SERPINE2: variants seen among roughly 807,000 people sequenced by gnomAD.
SERPINE2 encodes the protein glia-derived nexin.
Under a neutral mutation model 36.3 loss-of-function variants are expected in SERPINE2, and 14 were observed. The ratio of observed to expected loss-of-function variants is 0.39; its 90% confidence interval spans 0.25 to 0.60. SERPINE2 has a LOEUF of 0.60. Ranked by LOEUF, SERPINE2 falls within the 20% of genes least tolerant of loss-of-function variation. SERPINE2 has a pLI of 0.57. For synonymous variants in SERPINE2, 192 were observed against 191.8 expected, an observed-to-expected ratio of 1.00 and a Z score of -0.01; for missense variants, 418 against 499.6, an observed-to-expected ratio of 0.84 and a Z score of 1.56.
chr2:224,027,346 C>T (rs1007758649), intron 1 of SERPINE2, among the ~76,000 whole-genome samples: 1 of 152,136 alleles, frequency 6.6e-6, no homozygotes, highest in African/African-American at 2.4e-5. Context: ...GCCCATGGCT[C>T]GCATGGGCAT....
At chr2:224,019,655 G>A (rs4574111) in intron 1 of SERPINE2, among the ~76,000 whole-genome samples, 143,746 of 152,144 alleles carry the variant, frequency 0.94, 68,258 homozygotes, top group Non-Finnish European at 0.99. Context: ...AAAAAGCAAA[G>A]CTTTCAATGA....
At chr2:224,013,023 G>A (rs1366793331) in intron 1 of SERPINE2, among the ~76,000 whole-genome samples, 3 of 152,108 alleles carry the variant, frequency 2.0e-5, no homozygotes, top group Admixed American at 6.5e-5. Context: ...AGTAAATGGT[G>A]GTGTTATTTT....
chr2:224,006,832 T>C (rs1691442845), intron 1 of SERPINE2, among the ~76,000 whole-genome samples: 1 of 152,230 alleles, frequency 6.6e-6, no homozygotes, highest in Non-Finnish European at 1.5e-5. Context: ...CTAGTACTAC[T>C]GGACCCTCAC....
chr2:224,021,795 G>A (rs553995906), intron 1 of SERPINE2, among the ~76,000 whole-genome samples: 1 of 152,322 alleles, frequency 6.6e-6, no homozygotes, highest in South Asian at 2.1e-4. Context: ...AGGCCAAGGT[G>A]GGTGGATCAC....
chr2:224,019,750 CTT>C lies in SERPINE2; in HGVS notation c.-22-17830_-22-17829del, dbSNP rs754495536. Among the ~76,000 whole-genome samples, 518 of 58,218 alleles carry C rather than the reference CTT, an allele frequency of 8.9e-3. 3 individuals carry two copies. The highest frequency in any genetic ancestry group is 0.027 in the African/African-American group (490 of 18,210). The allele number at this position is 58,218 out of a possible 152,430, so 38.2% of individuals were successfully genotyped here. ...TATGGTCTAAAGCATTTGAGGAAGT[CTT>C]TTTTTTTTTTTTTAAAAAAAAAAAA... On this transcript the variant is annotated intron_variant, in intron 1 of 8. Coordinates refer to ENST00000409304, the MANE Select transcript of SERPINE2 (RefSeq NM_001136528.2).
chr2:224,013,792 G>A (rs1157822415), intron 1 of SERPINE2: 2 of 152,272 alleles, frequency 1.3e-5, no homozygotes, highest in Non-Finnish European at 2.9e-5. Flanking sequence ...CGTGTCAGGA[G>A]GCTGGGGCTC....
chr2:223,982,999 G>A (rs1358312074), intron 5 of SERPINE2, among the ~76,000 whole-genome samples: 10 of 152,148 alleles, frequency 6.6e-5, no homozygotes, highest in African/African-American at 1.9e-4. Flanking sequence ...ATGTACTAAC[G>A]GCAAGAATAG....
chr2:224,011,099 C>T (rs1465274053), intron 1 of SERPINE2, among the ~76,000 whole-genome samples: 3 of 152,128 alleles, frequency 2.0e-5, no homozygotes, highest in Non-Finnish European at 4.4e-5. Context: ...ATATGTTTTT[C>T]GGTCTGCTGA....
At chr2:223,988,035 A>G (rs1224010909) in intron 4 of SERPINE2, among the ~76,000 whole-genome samples, 2 of 152,204 alleles carry the variant, frequency 1.3e-5, no homozygotes, top group African/African-American at 4.8e-5. Flanking sequence ...GCAATACTCT[A>G]CATTCTAGGC....
At chr2:223,994,797 GCTTT>G (rs918893667) in intron 3 of SERPINE2, among the ~76,000 whole-genome samples, 1 of 152,142 alleles carries the variant, frequency 6.6e-6, no homozygotes, top group Non-Finnish European at 1.5e-5. Context: ...TTTGCTAAAT[GCTTT>G]CTATGTATTA....
intron 4 of SERPINE2, among the ~76,000 whole-genome samples, chr2:223,989,964 G>T (rs1252211207): frequency 2.0e-5 from 3 of 152,182 alleles, no homozygotes; most frequent in Non-Finnish European, 2.9e-5. Context: ...GGGCACCATG[G>T]CTAGCCTTGG....
chr2:224,031,758 C>CT, intron 1 of SERPINE2, among the ~76,000 whole-genome samples: 6 of 136,038 alleles, frequency 4.4e-5, no homozygotes, highest in African/African-American at 9.2e-5. Context: ...TTCCACCCCC[C>CT]ACCCCCCCCG....
At position 223,980,368 on chromosome 2, in the gene SERPINE2, A is replaced by G; in HGVS notation, c.1015T>C (p.Leu339=). 6.2e-7 allele frequency: 1 copy of G among 1,614,144 alleles called. No individual in the cohort carries two copies. Residue 339 remains leucine (L), a synonymous_variant, in exon 7 of 9, where the codon TTG becomes CTG. Transcript: ENST00000409304. ...CTGACTTCAATTTTTGCTTTTTGCA[A>G]GATATGAGAAACATGGAGGTTTTCT... ...RSENLHVSHI[L]QKAKIEVSED...
chr2:224,003,626 C>T (rs1691278823), intron 1 of SERPINE2, among the ~76,000 whole-genome samples: 1 of 152,182 alleles, frequency 6.6e-6, no homozygotes, highest in Non-Finnish European at 1.5e-5. Context: ...ACTCACAGAG[C>T]TTTCTCTGGC....
chr2:223,995,743 G>A (rs1047566511), intron 3 of SERPINE2, among the ~76,000 whole-genome samples: 7 of 152,270 alleles, frequency 4.6e-5, no homozygotes, highest in Middle Eastern at 6.8e-3. Context: ...GTCTTGCACC[G>A]TTTCAGAAAA....
In SERPINE2 at chr2:223,998,253, T is replaced by C. The variant is rs764210709; in HGVS notation, c.349A>G (p.Lys117Glu). The change falls in exon 3 of 9, where the codon AAG becomes GAG. Residue 117 changes from lysine (K) to glutamate (E), a missense_variant. Transcript: ENST00000409304. ...GGCACTTCAATTTCAGAGGCATTCT[T>C]AACAAACACGGCGTTAGCCACTGTC... ...IVTVANAVFV[K>E]NASEIEVPFV... The C allele has an allele frequency of 1.2e-6, 2 of 1,614,212 alleles. No homozygotes were observed. The highest frequency in any genetic ancestry group is 1.1e-5 in the South Asian group (1 of 91,088).
intron 3 of SERPINE2, 90 bp downstream of exon 3, chr2:223,998,025 T>A (rs1574825958): frequency 9.8e-7 from 1 of 1,018,256 alleles, no homozygotes; most frequent in Non-Finnish European, 1.5e-6. Flanking sequence ...GCCATTGAAT[T>A]GGACTTGCAG....
chr2:224,011,667 T>A (rs1691626642), intron 1 of SERPINE2, among the ~76,000 whole-genome samples: 2 of 152,202 alleles, frequency 1.3e-5, no homozygotes, highest in Non-Finnish European at 2.9e-5. Flanking sequence ...TTAAAAATCT[T>A]TTTTAAAGGC....
At chr2:223,979,537 G>A (rs1177787518) in intron 7 of SERPINE2, 1 of 152,182 alleles carries the variant, frequency 6.6e-6, no homozygotes, top group Non-Finnish European at 1.5e-5. Flanking sequence ...TTCACTTTAT[G>A]GGCTCACAGA....
Sources: gnomAD v4.1 joint callset for allele counts (sites outside exome capture counted in the v4.1 genomes callset) on GRCh38, gnomAD v4.1.1 for gene constraint, MANE v1.5 for transcripts, NCBI Gene and HGNC (gene_info 2026-07-23, HGNC 2026-07-21) for gene names.